Variants in TMEM123 observed in about 807,000 individuals in gnomAD.
TMEM123 encodes the protein transmembrane protein 123, also known as porimin.
Under a neutral mutation model 19.7 loss-of-function variants are expected in TMEM123, and 16 were observed. The observed-to-expected ratio is 0.81, with a 90% CI of 0.55 to 1.23. The LOEUF is 1.23. Among genes scored for constraint, TMEM123 ranks in the 50% most tolerant of loss-of-function variants. TMEM123 has a pLI of 0.00. For synonymous variants in TMEM123, 118 were observed against 99.4 expected (o/e 1.19, Z -1.12); for missense variants, 313 against 257.8 (o/e 1.21, Z -1.47).
At chr11:102,405,621 A>G (rs1243929266) in intron 2 of TMEM123, among the ~76,000 whole-genome samples, 1 of 152,204 alleles carries the variant, frequency 6.6e-6, no homozygotes, top group African/African-American at 2.4e-5. Context: ...CTATCTTTAG[A>G]ATAGAATGAT....
At chr11:102,444,362 G>T (rs1228207619) in intron 2 of TMEM123, among the ~76,000 whole-genome samples, 2 of 152,146 alleles carry the variant, frequency 1.3e-5, no homozygotes, top group Non-Finnish European at 2.9e-5. Flanking sequence ...ATACTATGCA[G>T]CCATAAAAAA....
chr11:102,443,265 C>G (rs1211873812), intron 2 of TMEM123, among the ~76,000 whole-genome samples: 1 of 152,160 alleles, frequency 6.6e-6, no homozygotes, highest in South Asian at 2.1e-4. Context: ...AACAATAAAG[C>G]TGGAGGCATC....
In TMEM123 at chr11:102,398,834, A is replaced by C; in HGVS notation, c.*33T>G. On this transcript the variant is annotated 3_prime_UTR_variant, in exon 5 of 5. Coordinates refer to ENST00000398136, the MANE Select transcript of TMEM123 (RefSeq NM_052932.3). ...CAAAATTAATTGATAGGGCAGCATCAATCTGTATTCCATCCTTGGTCCATG... is the reference window on the plus strand; with the variant it reads ...CAAAATTAATTGATAGGGCAGCATCCATCTGTATTCCATCCTTGGTCCATG... 1 of 1,606,576 alleles carries C rather than the reference A, an allele frequency of 6.2e-7. No individual in the cohort carries two copies. The highest frequency in any genetic ancestry group is 8.5e-7 in the Non-Finnish European group (1 of 1,177,104).
At chr11:102,449,626 T>C (rs1857918785) in intron 1 of TMEM123, among the ~76,000 whole-genome samples, 2 of 152,362 alleles carry the variant, frequency 1.3e-5, no homozygotes, top group African/African-American at 4.8e-5. Flanking sequence ...GCAAATTTCT[T>C]CTTTGTGAGA....
At chr11:102,430,744 G>A (rs759818102) in intron 2 of TMEM123, among the ~76,000 whole-genome samples, 5 of 152,174 alleles carry the variant, frequency 3.3e-5, no homozygotes, top group Admixed American at 1.3e-4. Context: ...CCCATGAGAT[G>A]GCTATACTCT....
At chr11:102,436,851 C>T (rs1028837119) in intron 2 of TMEM123, among the ~76,000 whole-genome samples, 9 of 152,164 alleles carry the variant, frequency 5.9e-5, no homozygotes, top group Non-Finnish European at 1.3e-4. Flanking sequence ...GTATTAAATG[C>T]CAATTGAATT....
intron 2 of TMEM123, among the ~76,000 whole-genome samples, chr11:102,408,325 CATTCCTGTTTGGTGGTAAAATT>C (rs1208669918): frequency 6.6e-6 from 1 of 152,222 alleles, no homozygotes; most frequent in Non-Finnish European, 1.5e-5. Flanking sequence ...ATCAGTTCTT[CATTCCTGTTTGGTGGTAAAATT>C]ATTACTCCTA....
chr11:102,404,860 A>G (rs913388967), intron 2 of TMEM123, among the ~76,000 whole-genome samples: 1 of 151,932 alleles, frequency 6.6e-6, no homozygotes, highest in Non-Finnish European at 1.5e-5. Context: ...TTGGCCTCCC[A>G]AAGTGCTGGG....
chr11:102,451,660 GAA>G (rs1211895204), intron 1 of TMEM123, among the ~76,000 whole-genome samples: 1 of 152,206 alleles, frequency 6.6e-6, no homozygotes, highest in African/African-American at 2.4e-5. Flanking sequence ...GTTGACAAAG[GAA>G]AACAGTATTT....
At chr11:102,416,797 CCATGAT>C (rs937381520) in intron 2 of TMEM123, among the ~76,000 whole-genome samples, 7 of 152,088 alleles carry the variant, frequency 4.6e-5, no homozygotes, top group African/African-American at 1.4e-4. Flanking sequence ...AGCTAATCCA[CCATGAT>C]CAAGTAGGCT....
chr11:102,402,009 T>A lies in TMEM123; in HGVS notation c.355A>T (p.Thr119Ser). The change falls in exon 3 of 5, where the codon ACA becomes TCA. Residue 119 changes from threonine to serine, a missense_variant. Thr to Ser is a moderately conservative substitution (Grantham distance 58, BLOSUM62 1). Transcript: ENST00000398136. ...TGAGATGTGTTCTGTGAAACACTTG[T>A]TGTTTTGGGTGTAGACTTTAAGGTG... is the stretch of plus-strand genomic sequence containing the variant. ...STTLKSTPKT[T>S]SVSQNTSQIS... 6.2e-7 allele frequency: 1 copy of A among 1,614,134 alleles called. No individual in the cohort carries two copies. Among genetic ancestry groups the A allele is most frequent in the Non-Finnish European group, 8.5e-7 (1 of 1,180,022 alleles).
chr11:102,401,390 T>A, intron 4 of TMEM123, 149 bp downstream of exon 4: 1 of 626,538 alleles, frequency 1.6e-6, no homozygotes, highest in Non-Finnish European at 2.4e-6. Flanking sequence ...CATAAACAAT[T>A]TACTTTGGGC....
chr11:102,418,438 T>C (rs1952059043), intron 2 of TMEM123, among the ~76,000 whole-genome samples: 1 of 152,084 alleles, frequency 6.6e-6, no homozygotes, highest in South Asian at 2.1e-4. Context: ...AACATAATTA[T>C]TAGAGAAATG....
At chr11:102,419,942 A>G (rs1010518662) in intron 2 of TMEM123, among the ~76,000 whole-genome samples, 13 of 152,230 alleles carry the variant, frequency 8.5e-5, no homozygotes, top group African/African-American at 2.9e-4. Flanking sequence ...TCCAGGAAAT[A>G]CACTGTAAGC....
chr11:102,415,197 C>T (rs1484690223), intron 2 of TMEM123, among the ~76,000 whole-genome samples: 2 of 152,178 alleles, frequency 1.3e-5, no homozygotes, highest in Non-Finnish European at 2.9e-5. Context: ...AACAAGTTCT[C>T]AGAGACCTAT....
chr11:102,413,076 A>G (rs1952017735), intron 2 of TMEM123, among the ~76,000 whole-genome samples: 1 of 152,248 alleles, frequency 6.6e-6, no homozygotes, highest in African/African-American at 2.4e-5. Flanking sequence ...AGAGATTTAT[A>G]GCAAAAATGC....
At chr11:102,400,101 A>C (rs905355257) in intron 4 of TMEM123, among the ~76,000 whole-genome samples, 44 of 152,352 alleles carry the variant, frequency 2.9e-4, no homozygotes, top group Middle Eastern at 3.4e-3. Context: ...AAATCTGGGA[A>C]ACTTCCATGT....
In TMEM123 at chr11:102,448,839, G is replaced by A. The variant is rs1321410637; in HGVS notation, c.130C>T (p.Pro44Ser). The change falls in exon 2 of 5, where the codon CCA becomes TCA. Residue 44 changes from proline (P) to serine (S), a missense_variant. Pro to Ser is a moderately conservative substitution (Grantham distance 74, BLOSUM62 -1). Coordinates refer to ENST00000398136, the MANE Select transcript of TMEM123 (RefSeq NM_052932.3). ...ASANIENSGL[P>S]HNSSANSTET... ...GTTGAGTTAGCACTGGAGTTGTGTG[G>A]AAGCCCAGAATTCTCTATGTTTGCA... is the stretch of plus-strand genomic sequence containing the variant. 5 of 1,613,750 alleles carry A rather than the reference G, an allele frequency of 3.1e-6. No individual in the cohort carries two copies. In the East Asian group the frequency reaches 6.7e-5, roughly 22 times the overall value.
chr11:102,450,715 C>T (rs1286996244), intron 1 of TMEM123, among the ~76,000 whole-genome samples: 1 of 152,160 alleles, frequency 6.6e-6, no homozygotes, highest in Non-Finnish European at 1.5e-5. Context: ...AATTGTTTTA[C>T]TTGCCATAAA....
Sources: gnomAD v4.1 joint callset for allele counts (sites outside exome capture counted in the v4.1 genomes callset) on GRCh38, gnomAD v4.1.1 for gene constraint, MANE v1.5 for transcripts, NCBI Gene and HGNC (gene_info 2026-07-23, HGNC 2026-07-21) for gene names.